IL16: variants seen among roughly 807,000 people sequenced by gnomAD.
IL16 encodes the protein pro-interleukin-16.
A neutral mutation model predicts 110.1 loss-of-function variants in IL16; 67 were observed. The observed-to-expected ratio is 0.61, with a 90% CI of 0.50 to 0.75. IL16 has a LOEUF of 0.75. Ranked by LOEUF, IL16 falls within the 30% of genes least tolerant of loss-of-function variation. IL16 has a pLI of 0.00. For missense variants in IL16, 1,545 were observed against 1,655.0 expected (o/e 0.93, Z 1.15); for synonymous variants, 689 against 662.9 (o/e 1.04, Z -0.61).
At chr15:81,251,153 C>A (rs1454365611) in intron 2 of IL16, among the ~76,000 whole-genome samples, 1 of 152,056 alleles carries the variant, frequency 6.6e-6, no homozygotes, top group African/African-American at 2.4e-5. Flanking sequence ...TCCCATGCAA[C>A]CTTTCTACTT....
At chr15:81,242,031 C>G (rs968929599) in intron 2 of IL16, among the ~76,000 whole-genome samples, 1 of 150,044 alleles carries the variant, frequency 6.7e-6, no homozygotes, top group African/African-American at 2.5e-5. Context: ...CCATTGAATT[C>G]CTGCTGCATC....
chr15:81,190,547 G>T (rs947389159), intron 1 of IL16, among the ~76,000 whole-genome samples: 1 of 152,072 alleles, frequency 6.6e-6, no homozygotes, highest in African/African-American at 2.4e-5. Flanking sequence ...TTTCTTATAA[G>T]AAAAAGGGGA....
At chr15:81,227,403 C>G (rs116157595) in intron 2 of IL16, among the ~76,000 whole-genome samples, 1 of 152,062 alleles carries the variant, frequency 6.6e-6, no homozygotes, top group African/African-American at 2.4e-5. Flanking sequence ...GACATTTTGG[C>G]AAGGACCTGA....
intron 1 of IL16, among the ~76,000 whole-genome samples, chr15:81,198,920 T>C (rs1176812420): frequency 6.7e-6 from 1 of 150,054 alleles, no homozygotes; most frequent in Non-Finnish European, 1.5e-5. Context: ...CTCAAGAGGC[T>C]GAGGCAGGAG....
chr15:81,196,916 A>G lies in IL16; in HGVS notation c.-338A>G. On this transcript the variant is annotated 5_prime_UTR_variant, in exon 1 of 19. Coordinates refer to ENST00000683961, the MANE Select transcript of IL16 (RefSeq NM_172217.5). ...AGTCACCTGTCCAGAGCAGGTGGTGAATATTGTGTCCTACTCACGGCATCT... is the reference window on the plus strand; with the variant it reads ...AGTCACCTGTCCAGAGCAGGTGGTGGATATTGTGTCCTACTCACGGCATCT... 1 of 1,220,042 alleles carries G rather than the reference A, an allele frequency of 8.2e-7. No individual in the cohort carries two copies. The allele number at this position is 1,220,042 out of a possible 1,614,324, so 75.6% of individuals were successfully genotyped here. A position where few individuals can be genotyped will look rare whatever the true frequency, so the allele number is the denominator to read the frequency against.
At position 81,279,430 on chromosome 15, in the gene IL16, T is replaced by C. The variant is rs572398467; in HGVS notation, c.865-128T>C. 8 of 633,622 alleles carry C rather than the reference T, an allele frequency of 1.3e-5. No individual in the cohort carries two copies. In the East Asian group the frequency reaches 2.2e-4, roughly 17 times the overall value. 39.2% of individuals were successfully genotyped at this position (633,622 alleles called of 1,614,324 possible). A position where few individuals can be genotyped will look rare whatever the true frequency, so the allele number is the denominator to read the frequency against. On this transcript the variant is annotated intron_variant, in intron 7 of 18. Coordinates refer to ENST00000683961, the MANE Select transcript of IL16 (RefSeq NM_172217.5). ...ATGTCATAATATAATTTGTAACATG[T>C]ATGAATATATGCGCACATTTATATT... is the stretch of plus-strand genomic sequence containing the variant.
At chr15:81,265,568 C>T in intron 3 of IL16, 91 bp from the exon 4 acceptor site, 1 of 1,447,160 alleles carries the variant, frequency 6.9e-7, no homozygotes, top group East Asian at 2.4e-5. Flanking sequence ...ACACTGGCCC[C>T]TGGCTAATGA....
Position 81,303,014 on chromosome 15 carries a change from A to AGTGTGTGTGTGTGT in IL16, c.3319-535_3319-534insGTGTGTGTGTGTGT, listed in dbSNP as rs1567046877. Among the ~76,000 whole-genome samples, 1 of 70,298 alleles carries AGTGTGTGTGTGTGT rather than the reference A, an allele frequency of 1.4e-5. No homozygotes were observed. The highest frequency in any genetic ancestry group is 1.5e-4 in the Admixed American group (1 of 6,606). The allele number at this position is 70,298 out of a possible 152,430, so 46.1% of individuals were successfully genotyped here. A position where few individuals can be genotyped will look rare whatever the true frequency, so the allele number is the denominator to read the frequency against. On this transcript the variant is annotated intron_variant, in intron 15 of 18. Transcript: ENST00000683961. This position sits in a 1 kb window ranked among gnomAD's most constrained non-coding sequence, Gnocchi z 4.1. ...CGTCTAGGCTAGGAAGTACCGTAGT[A>AGTGTGTGTGTGTGT]ATGTGTGTGTGTGTGTGTGTGTGTG... is the stretch of plus-strand genomic sequence containing the variant.
intron 2 of IL16, among the ~76,000 whole-genome samples, chr15:81,249,832 T>A (rs997351189): frequency 1.3e-5 from 2 of 152,216 alleles, no homozygotes; most frequent in Admixed American, 6.5e-5. Flanking sequence ...CACTCTATCT[T>A]ACATGTTTCT....
chr15:81,190,680 A>C (rs1041361662), intron 1 of IL16, among the ~76,000 whole-genome samples: 2 of 152,202 alleles, frequency 1.3e-5, no homozygotes, highest in African/African-American at 4.8e-5. Context: ...CCAAAGGCTG[A>C]GGAAGTTGAG....
chr15:81,271,590 C>T (rs920832840), intron 5 of IL16, among the ~76,000 whole-genome samples: 1 of 152,176 alleles, frequency 6.6e-6, no homozygotes, highest in Non-Finnish European at 1.5e-5. Context: ...GCAATGACCC[C>T]AGGCTGTCTG....
intron 1 of IL16, among the ~76,000 whole-genome samples, chr15:81,200,330 T>C (rs1953579623): frequency 6.6e-6 from 1 of 151,780 alleles, no homozygotes; most frequent in South Asian, 2.1e-4. Context: ...AGTCAAGATT[T>C]TTTTAATTTT....
Position 81,196,956 on chromosome 15 carries a change from T to C in IL16, c.-298T>C. On this transcript the variant is annotated 5_prime_UTR_variant, in exon 1 of 19. Transcript: ENST00000683961. The stretch of plus-strand genomic sequence containing the variant: ...TCACGGCATCTCAACTATCGGAGCC[T>C]GGGATCTGACTCAAAGGCCGGCCTC... 4 of 1,267,578 alleles carry C rather than the reference T, an allele frequency of 3.2e-6. No individual in the cohort carries two copies. The South Asian group carries it at 3.8e-5, about 12-fold the overall frequency. 78.5% of individuals were successfully genotyped at this position (1,267,578 alleles called of 1,614,324 possible).
At chr15:81,302,346 T>G (rs1900329902) in intron 15 of IL16, 1 of 152,276 alleles carries the variant, frequency 6.6e-6, no homozygotes, top group African/African-American at 2.4e-5. Context: ...TCTTACTCAG[T>G]GCAAATGAAA....
chr15:81,268,592 A>C (rs1596012990), intron 4 of IL16, among the ~76,000 whole-genome samples: 1 of 152,274 alleles, frequency 6.6e-6, no homozygotes, highest in African/African-American at 2.4e-5. Flanking sequence ...CATCTCCGAT[A>C]TCAGAGAGCA....
Position 81,300,233 on chromosome 15 carries a change from G to A in IL16, c.2907G>A (p.Leu969=). The A allele has an allele frequency of 6.2e-7, 1 of 1,614,236 alleles. No individual in the cohort carries two copies. Among genetic ancestry groups the A allele is most frequent in the South Asian group, 1.1e-5 (1 of 91,076 alleles). The change falls in exon 14 of 19, where the codon CTG becomes CTA. Residue 969 remains leucine, a synonymous_variant. Coordinates refer to ENST00000683961, the MANE Select transcript of IL16 (RefSeq NM_172217.5). ...GCCAGCGAGCACGGAGCTTCCCCCT[G>A]ACCAGGTCCCAGTCCTGTGAGACGA... The part of the protein sequence containing the change: ...MPSQRARSFP[L]TRSQSCETKL...
rs1364650418 is a variant in IL16 at position 81,310,207 on chromosome 15, A to G, written c.*1409A>G. 1 of 152,200 alleles carries G rather than the reference A, an allele frequency of 6.6e-6. No homozygotes were observed. Among genetic ancestry groups the G allele is most frequent in the African/African-American group, 2.4e-5 (1 of 41,448 alleles). The allele number at this position is 152,200 out of a possible 1,614,324, so 9.4% of individuals were successfully genotyped here. A position where few individuals can be genotyped will look rare whatever the true frequency, so the allele number is the denominator to read the frequency against. On this transcript the variant is annotated 3_prime_UTR_variant, in exon 19 of 19. Transcript: ENST00000683961. Reference sequence around the variant, plus strand: ...CTGGCAAGGACACAGATGAAACACAAACAATAGTAATTCTCAGGCCATCAT... The same window carrying G: ...CTGGCAAGGACACAGATGAAACACAGACAATAGTAATTCTCAGGCCATCAT...
intron 2 of IL16, among the ~76,000 whole-genome samples, chr15:81,236,814 A>C (rs1897191458): frequency 6.6e-6 from 1 of 152,108 alleles, no homozygotes; most frequent in African/African-American, 2.4e-5. Context: ...AAAATTAGCC[A>C]GGCCTGGTGG....
chr15:81,239,883 C>G (rs1033358123), intron 2 of IL16, among the ~76,000 whole-genome samples: 5 of 152,152 alleles, frequency 3.3e-5, no homozygotes, highest in African/African-American at 1.2e-4. Flanking sequence ...GAAAGAAAAT[C>G]CAGGGAACTC....
Sources: gnomAD v4.1 joint callset for allele counts (sites outside exome capture counted in the v4.1 genomes callset) on GRCh38, gnomAD v4.1.1 for gene constraint, Gnocchi (gnomAD v3.1) non-coding constraint, MANE v1.5 for transcripts, NCBI Gene and HGNC (gene_info 2026-07-23, HGNC 2026-07-21) for gene names.